Variants in PCDH9 observed in about 807,000 individuals in gnomAD.
The protein encoded by PCDH9 is protocadherin-9.
A neutral mutation model predicts 70.6 loss-of-function variants in PCDH9; 24 were observed. That is an observed-to-expected ratio of 0.34 (90% CI 0.25 to 0.48). The LOEUF (loss-of-function observed/expected upper bound fraction) is 0.48. Among genes scored for constraint, PCDH9 ranks in the 20% least tolerant of loss-of-function variants. The probability of loss-of-function intolerance (pLI) is 0.99; values close to 1 mark genes in which losing one functional copy is unlikely to be tolerated. For synonymous variants in PCDH9, 562 were observed against 558.5 expected (o/e 1.01, Z -0.09); for missense variants, 1,281 against 1,503.6 (o/e 0.85, Z 2.45).
intron 2 of PCDH9, among the ~76,000 whole-genome samples, chr13:67,144,618 T>C (rs969447801): frequency 6.6e-6 from 1 of 152,166 alleles, no homozygotes; most frequent in African/African-American, 2.4e-5. Flanking sequence ...TAAATCCCTG[T>C]ATGAAGGATA....
chr13:66,455,493 A>G (rs189971983), intron 4 of PCDH9, among the ~76,000 whole-genome samples: 15 of 152,164 alleles, frequency 9.9e-5, no homozygotes, highest in Admixed American at 2.6e-4. Context: ...TCTTGCCCCA[A>G]TCACTCTTGG....
chr13:66,519,251 T>TA (rs1044323360), intron 4 of PCDH9, among the ~76,000 whole-genome samples: 4 of 151,852 alleles, frequency 2.6e-5, no homozygotes, highest in South Asian at 4.2e-4. Context: ...AAAAATCCTT[T>TA]AAAAAAAACC....
intron 2 of PCDH9, among the ~76,000 whole-genome samples, chr13:67,130,223 A>C (rs2087078949): frequency 6.6e-6 from 1 of 152,198 alleles, no homozygotes; most frequent in Non-Finnish European, 1.5e-5. Context: ...TTAGCTCTTC[A>C]GTAAAGGGAT....
At chr13:67,210,048 A>G (rs2089437384) in intron 2 of PCDH9, 2 of 152,062 alleles carry the variant, frequency 1.3e-5, no homozygotes, top group South Asian at 2.1e-4. Context: ...CATTATTGCA[A>G]AACTATGTGT....
intron 4 of PCDH9, among the ~76,000 whole-genome samples, chr13:66,614,742 C>A (rs1191771145): frequency 6.6e-6 from 1 of 152,174 alleles, no homozygotes; most frequent in African/African-American, 2.4e-5. Context: ...ATTTTATTTC[C>A]TCAGCAAGGC....
chr13:66,852,502 T>C (rs902412108), intron 3 of PCDH9, among the ~76,000 whole-genome samples: 5 of 152,188 alleles, frequency 3.3e-5, no homozygotes, highest in African/African-American at 1.2e-4. Flanking sequence ...AAGATACATA[T>C]GTATAATCTC....
chr13:66,804,564 T>C (rs1374733868), intron 3 of PCDH9, among the ~76,000 whole-genome samples: 1 of 152,114 alleles, frequency 6.6e-6, no homozygotes, highest in East Asian at 1.9e-4. Context: ...ACAAACAAAT[T>C]AATAGGTAAA....
At chr13:66,653,313 A>G (rs999086098) in intron 3 of PCDH9, among the ~76,000 whole-genome samples, 2 of 152,168 alleles carry the variant, frequency 1.3e-5, no homozygotes, top group Admixed American at 6.5e-5. Context: ...AGTCAACAGG[A>G]AAAAAACCCT....
intron 2 of PCDH9, among the ~76,000 whole-genome samples, chr13:67,145,663 T>C (rs1274277977): frequency 6.6e-6 from 1 of 151,962 alleles, no homozygotes; most frequent in African/African-American, 2.4e-5. Context: ...AATCCAGAAA[T>C]AAGTAACAGA....
intron 3 of PCDH9, among the ~76,000 whole-genome samples, chr13:66,783,152 C>A: frequency 6.6e-6 from 1 of 152,046 alleles, no homozygotes; most frequent in Non-Finnish European, 1.5e-5. Context: ...CTGTTTTAGT[C>A]CTTGTCCCTC....
chr13:66,763,163 C>A (rs1381905503), intron 3 of PCDH9, among the ~76,000 whole-genome samples: 2 of 149,534 alleles, frequency 1.3e-5, no homozygotes, highest in Non-Finnish European at 3.0e-5. Flanking sequence ...TAGGTATTTA[C>A]AAATATATAT....
At chr13:67,228,771 C>T (rs1223067064) in intron 1 of PCDH9, among the ~76,000 whole-genome samples, 196 bp from the exon 2 acceptor site, 2 of 152,180 alleles carry the variant, frequency 1.3e-5, no homozygotes, top group African/African-American at 4.8e-5. Flanking sequence ...ATAAAATTTT[C>T]TACTTTTGAA....
At chr13:67,099,082 T>C (rs1211070750) in intron 2 of PCDH9, among the ~76,000 whole-genome samples, 1 of 152,212 alleles carries the variant, frequency 6.6e-6, no homozygotes, top group East Asian at 1.9e-4. Flanking sequence ...ACTGCAATCA[T>C]TCTAGTCAAC....
At chr13:66,682,364 CTATCTATCT>C (rs2078337287) in intron 3 of PCDH9, among the ~76,000 whole-genome samples, 1 of 35,270 alleles carries the variant, frequency 2.8e-5, no homozygotes, top group African/African-American at 1.5e-4. Context: ...ATCTATCTAT[CTATCTATCT>C]ATCTATCTAT....
At chr13:66,521,676 A>G (rs1426119913) in intron 4 of PCDH9, among the ~76,000 whole-genome samples, 1 of 152,132 alleles carries the variant, frequency 6.6e-6, no homozygotes, top group African/African-American at 2.4e-5. Flanking sequence ...GTTTAACAAA[A>G]CATGTGATTC....
intron 3 of PCDH9, among the ~76,000 whole-genome samples, chr13:66,816,740 T>C (rs2080611704): frequency 6.6e-6 from 1 of 152,006 alleles, no homozygotes. Flanking sequence ...GACAACATGG[T>C]AAAATCCCGT....
intron 4 of PCDH9, among the ~76,000 whole-genome samples, chr13:66,580,812 A>T (rs1021988702): frequency 1.3e-5 from 2 of 152,076 alleles, no homozygotes; most frequent in South Asian, 4.2e-4. Context: ...TTGCCACAAT[A>T]ATTTTGACAA....
At chr13:66,572,786 G>T (rs1328033627) in intron 4 of PCDH9, among the ~76,000 whole-genome samples, 1 of 151,872 alleles carries the variant, frequency 6.6e-6, no homozygotes, top group East Asian at 1.9e-4. Context: ...TTGAGACAGG[G>T]CCTTGCTGTA....
At chr13:67,107,886 T>A (rs895832760) in intron 2 of PCDH9, among the ~76,000 whole-genome samples, 4 of 152,104 alleles carry the variant, frequency 2.6e-5, no homozygotes, top group African/African-American at 9.7e-5. Context: ...CTCTTTAGGG[T>A]TCTGCGGTTC....
Sources: gnomAD v4.1 joint callset for allele counts (sites outside exome capture counted in the v4.1 genomes callset) on GRCh38, gnomAD v4.1.1 for gene constraint, MANE v1.5 for transcripts, NCBI Gene and HGNC (gene_info 2026-07-23, HGNC 2026-07-21) for gene names.